ZNF536: variants seen among roughly 807,000 people sequenced by gnomAD.
ZNF536 encodes zinc finger protein 536.
Under a neutral mutation model 84.5 loss-of-function variants are expected in ZNF536, and 13 were observed. The ratio of observed to expected loss-of-function variants is 0.15; its 90% CI spans 0.10 to 0.24. The LOEUF is 0.24. ZNF536 is among the 10% of genes least tolerant of loss of function. The pLI is 1.00. For missense variants in ZNF536, 1,536 were observed against 1,747.5 expected (o/e 0.88, Z 2.16); for synonymous variants, 811 against 742.5 (o/e 1.09, Z -1.50).
intron 1 of ZNF536, among the ~76,000 whole-genome samples, chr19:30,274,846 A>C (rs1158257200): frequency 6.6e-6 from 1 of 152,234 alleles, no homozygotes; most frequent in Non-Finnish European, 1.5e-5. Context: ...CAGTTATTTT[A>C]CATCTCTTCT....
intron 2 of ZNF536, among the ~76,000 whole-genome samples, chr19:30,459,088 C>CT (rs2053009549): frequency 1.3e-5 from 2 of 152,200 alleles, no homozygotes; most frequent in Non-Finnish European, 2.9e-5. Context: ...GTTTGCCTCT[C>CT]TTTATAAAGC....
intron 1 of ZNF536, among the ~76,000 whole-genome samples, chr19:30,409,907 A>T (rs191964408): frequency 5.7e-4 from 87 of 152,290 alleles, no homozygotes; most frequent in African/African-American, 1.9e-3. Flanking sequence ...AATGCCTCTA[A>T]GTCCCTTTGG....
intron 2 of ZNF536, among the ~76,000 whole-genome samples, chr19:30,463,026 A>G (rs935224280): frequency 1.4e-5 from 2 of 138,590 alleles, no homozygotes; most frequent in Non-Finnish European, 3.3e-5. Context: ...GTGTGTTGAG[A>G]TGCCTGTATC....
chr19:30,684,664 A>G (rs756557559), intron 1 of ZNF536, among the ~76,000 whole-genome samples: 38 of 152,110 alleles, frequency 2.5e-4, no homozygotes, highest in Non-Finnish European at 4.7e-4. Flanking sequence ...TTCCTGCTTT[A>G]TCTTATCCAC....
intron 1 of ZNF536, among the ~76,000 whole-genome samples, chr19:30,407,564 C>T (rs1306397792): frequency 6.6e-6 from 1 of 152,210 alleles, no homozygotes. Flanking sequence ...GAACTTCTGA[C>T]CAACAGGCTT....
chr19:30,662,776 G>A (rs1408077984), intron 1 of ZNF536, among the ~76,000 whole-genome samples: 16 of 152,090 alleles, frequency 1.1e-4, no homozygotes, highest in Non-Finnish European at 2.4e-4. Flanking sequence ...GCCGGTCGGG[G>A]CTGTGGGAAA....
At chr19:30,408,109 T>A (rs1475319092) in intron 1 of ZNF536, among the ~76,000 whole-genome samples, 4 of 152,162 alleles carry the variant, frequency 2.6e-5, no homozygotes, top group African/African-American at 9.7e-5. Flanking sequence ...ATGGGCTGTG[T>A]TTCTTTTTGT....
chr19:30,327,963 TGGG>T (rs147497629), intron 2 of ZNF536, among the ~76,000 whole-genome samples: 1,718 of 152,280 alleles, frequency 0.011, 35 homozygotes, highest in African/African-American at 0.038. Context: ...CCATTACTAG[TGGG>T]GACAGGTCAG....
At chr19:30,435,347 ATGCTGATGCTGG>A (rs1336881508) in intron 1 of ZNF536, among the ~76,000 whole-genome samples, 2 of 146,860 alleles carry the variant, frequency 1.4e-5, no homozygotes, top group African/African-American at 5.1e-5. Flanking sequence ...GATGGTGGTG[ATGCTGATGCTGG>A]TGATGGTGGT....
At chr19:30,495,948 T>G (rs190021973) in intron 2 of ZNF536, among the ~76,000 whole-genome samples, 1 of 152,306 alleles carries the variant, frequency 6.6e-6, no homozygotes, top group East Asian at 1.9e-4. Flanking sequence ...GCATCAGGAT[T>G]CAGTTGCAAT....
intron 1 of ZNF536, among the ~76,000 whole-genome samples, chr19:30,660,188 C>T (rs1175011587): frequency 6.6e-6 from 1 of 152,122 alleles, no homozygotes; most frequent in Non-Finnish European, 1.5e-5. Context: ...TGAAGATAAA[C>T]CAGGCAGAAG....
At chr19:30,568,162 G>A (rs1159203142) in intron 1 of ZNF536, among the ~76,000 whole-genome samples, 1 of 152,142 alleles carries the variant, frequency 6.6e-6, no homozygotes, top group Non-Finnish European at 1.5e-5. Flanking sequence ...GATAAAAATG[G>A]CAATTGTGCA....
At chr19:30,393,380 C>T (rs935520371) in intron 1 of ZNF536, among the ~76,000 whole-genome samples, 1 of 152,212 alleles carries the variant, frequency 6.6e-6, no homozygotes, top group Non-Finnish European at 1.5e-5. Context: ...GATTAATTCA[C>T]TCATTCCAAA....
chr19:30,475,995 G>A (rs142691188), intron 2 of ZNF536, among the ~76,000 whole-genome samples: 23 of 152,280 alleles, frequency 1.5e-4, no homozygotes, highest in Non-Finnish European at 2.6e-4. Context: ...TGAGCCCCAT[G>A]AAGACGGCAA....
rs144977072 is a variant in ZNF536, at chr19:30,323,342, C to A, written c.-119-29026C>A. ...ATTGACTACCCTTTCTCCTCGGGCA[C>A]TTAACACCAGTCCAGCGACATCTCC... On this transcript the variant is annotated intron_variant, in intron 2 of 5. Transcript: ENST00000585628. Among the ~76,000 whole-genome samples the A allele has an allele frequency of 9.8e-3, 1,493 of 152,330 alleles. 7 individuals are homozygous for A. Among genetic ancestry groups the A allele is most frequent in the South Asian group, 0.04 (192 of 4,820 alleles).
intron 1 of ZNF536, among the ~76,000 whole-genome samples, chr19:30,584,747 AT>A (rs2047039101): frequency 6.6e-6 from 1 of 152,080 alleles, no homozygotes; most frequent in Non-Finnish European, 1.5e-5. Flanking sequence ...GTATGTTCTA[AT>A]TTAGCCTTCT....
At chr19:30,350,502 A>G (rs1030142946) in intron 2 of ZNF536, among the ~76,000 whole-genome samples, 1 of 152,234 alleles carries the variant, frequency 6.6e-6, no homozygotes, top group Non-Finnish European at 1.5e-5. Flanking sequence ...TGATGTTACA[A>G]TATGAGAAAG....
chr19:30,572,714 C>T lies in ZNF536; in HGVS notation c.169+23200C>T, dbSNP rs570086816. Among the ~76,000 whole-genome samples the T allele has an allele frequency of 3.2e-4, 49 of 152,148 alleles. 1 individual carries two copies. The South Asian group carries it at 8.1e-3, about 25-fold the overall frequency. The stretch of plus-strand genomic sequence containing the variant: ...TGACAAACAAACAAACAAATAAGTT[C>T]GGCATAGGATGAGTGATATGAAGAT... On this transcript the variant is annotated intron_variant, in intron 1 of 1. Coordinates refer to the ZNF536 transcript ENST00000592773.
At chr19:30,668,562 A>T (rs1340021486) in intron 1 of ZNF536, 1 of 152,220 alleles carries the variant, frequency 6.6e-6, no homozygotes, top group Admixed American at 6.5e-5. Flanking sequence ...GTGAAGATGG[A>T]GCCACCAAAG....
Sources: gnomAD v4.1 joint callset for allele counts (sites outside exome capture counted in the v4.1 genomes callset) on GRCh38, gnomAD v4.1.1 for gene constraint, MANE v1.5 for transcripts, NCBI Gene and HGNC (gene_info 2026-07-23, HGNC 2026-07-21) for gene names.